ALK: variants seen among roughly 807,000 people sequenced by gnomAD.
ALK encodes ALK receptor tyrosine kinase, also known as ALK tyrosine kinase receptor.
A neutral mutation model predicts 163.1 loss-of-function variants in ALK; 74 were observed. The ratio of observed to expected loss-of-function variants is 0.45; its 90% CI spans 0.38 to 0.55. The LOEUF (loss-of-function observed/expected upper bound fraction) is 0.55. ALK is among the 20% of genes least tolerant of loss of function. The pLI, the probability that ALK is intolerant of heterozygous loss-of-function variation, is 0.00. For synonymous variants in ALK, 960 were observed against 843.2 expected (o/e 1.14, Z -2.40); for missense variants, 2,063 against 2,105.3 (o/e 0.98, Z 0.39).
At chr2:29,328,502 C>T in intron 5 of ALK, 21 bp from the exon 6 acceptor site, 1 of 1,614,124 alleles carries the variant, frequency 6.2e-7, no homozygotes, top group Non-Finnish European at 8.5e-7. Context: ...CACAGACACA[C>T]AACCATGGTA....
In ALK at chr2:29,773,717, T is replaced by C. The variant is rs185195951; in HGVS notation, c.668-56020A>G. On this transcript the variant is annotated intron_variant, in intron 1 of 28. Coordinates refer to ENST00000389048, the MANE Select transcript of ALK (RefSeq NM_004304.5). Reference sequence around the variant, plus strand: ...ATGGCATTAAGTGCTAAATGCATTTTTGGCTGAATTTTGTTTCATCAACTT... The same window carrying C: ...ATGGCATTAAGTGCTAAATGCATTTCTGGCTGAATTTTGTTTCATCAACTT... Among the ~76,000 whole-genome samples, 426 of 152,328 alleles carry C rather than the reference T, an allele frequency of 2.8e-3. 2 individuals carry two copies. The highest frequency in any genetic ancestry group is 9.6e-3 in the African/African-American group (398 of 41,574).
rs1041163475 is a variant in ALK at position 29,211,671 on chromosome 2, G to A, written c.3744-1793C>T. ...CAGATAAAGGGTGGAGGGAGAGAGA[G>A]AATTCGAGGCAACTCTGTTGTGGGT... On this transcript the variant is annotated intron_variant, in intron 24 of 28. Coordinates refer to ENST00000389048, the MANE Select transcript of ALK (RefSeq NM_004304.5). Among the ~76,000 whole-genome samples the A allele has an allele frequency of 2.6e-5, 4 of 152,170 alleles. No individual in the cohort carries two copies. The South Asian group carries it at 8.3e-4, about 32-fold the overall frequency.
At chr2:29,557,128 G>A (rs1673883672) in intron 3 of ALK, among the ~76,000 whole-genome samples, 1 of 152,024 alleles carries the variant, frequency 6.6e-6, no homozygotes, top group Non-Finnish European at 1.5e-5. Flanking sequence ...ACAGGCAGAT[G>A]TTCACTGACT....
chr2:29,430,873 T>C (rs181953347), intron 4 of ALK, among the ~76,000 whole-genome samples: 1 of 152,342 alleles, frequency 6.6e-6, no homozygotes, highest in East Asian at 1.9e-4. Flanking sequence ...GATCGGGAAC[T>C]TCAGAAGGCA....
At chr2:29,606,545 T>C (rs1454393976) in intron 3 of ALK, among the ~76,000 whole-genome samples, 1 of 152,216 alleles carries the variant, frequency 6.6e-6, no homozygotes, top group Admixed American at 6.5e-5. Flanking sequence ...TGGACAGACC[T>C]GGGTGTCTCT....
intron 5 of ALK, among the ~76,000 whole-genome samples, chr2:29,368,306 C>G (rs1045847682): frequency 6.6e-6 from 1 of 152,134 alleles, no homozygotes; most frequent in Non-Finnish European, 1.5e-5. Flanking sequence ...ATTCTACACC[C>G]CACAAAATAA....
chr2:29,568,526 G>C (rs1434925423), intron 3 of ALK, among the ~76,000 whole-genome samples: 8 of 151,984 alleles, frequency 5.3e-5, no homozygotes, highest in Non-Finnish European at 2.9e-5. Flanking sequence ...AGTGTAGGGA[G>C]GGCAGGCTTT....
chr2:29,617,922 C>T (rs921053832), intron 3 of ALK, among the ~76,000 whole-genome samples: 3 of 152,164 alleles, frequency 2.0e-5, no homozygotes, highest in Non-Finnish European at 4.4e-5. Context: ...GGCAGCACAC[C>T]CATAGTCCTG....
chr2:29,795,698 C>A (rs569913515), intron 1 of ALK, among the ~76,000 whole-genome samples: 93 of 152,142 alleles, frequency 6.1e-4, no homozygotes, highest in African/African-American at 2.2e-3. Flanking sequence ...ATGAAAATAT[C>A]ATCTTAAAAA....
intron 25 of ALK, among the ~76,000 whole-genome samples, chr2:29,208,416 C>T (rs764015836): frequency 1.3e-5 from 2 of 152,126 alleles, no homozygotes; most frequent in Non-Finnish European, 2.9e-5. Context: ...ACAGAGGGCT[C>T]GAGGAGTCAT....
intron 26 of ALK, among the ~76,000 whole-genome samples, chr2:29,205,497 G>A (rs1003255469): frequency 4.6e-5 from 7 of 152,168 alleles, no homozygotes; most frequent in African/African-American, 1.4e-4. Context: ...TCTGAAGGCC[G>A]GACATCTGAA....
At chr2:29,743,312 G>A (rs1263274078) in intron 1 of ALK, among the ~76,000 whole-genome samples, 2 of 152,128 alleles carry the variant, frequency 1.3e-5, no homozygotes, top group Non-Finnish European at 2.9e-5. Context: ...TATGATGTTC[G>A]ACTTGGAAAC....
At chr2:29,273,706 G>A (rs913230591) in intron 11 of ALK, among the ~76,000 whole-genome samples, 3 of 152,210 alleles carry the variant, frequency 2.0e-5, no homozygotes, top group Non-Finnish European at 2.9e-5. Flanking sequence ...AGGCTGGGCA[G>A]GGGGCTATGG....
At chr2:29,540,237 A>G (rs1347379535) in intron 3 of ALK, among the ~76,000 whole-genome samples, 3 of 152,164 alleles carry the variant, frequency 2.0e-5, no homozygotes, top group African/African-American at 7.2e-5. Context: ...GTGGTAAGTA[A>G]AAGATGTCAC....
chr2:29,770,751 A>T (rs1000352384), intron 1 of ALK, among the ~76,000 whole-genome samples: 33 of 152,200 alleles, frequency 2.2e-4, no homozygotes, highest in African/African-American at 8.0e-4. Context: ...AAAGAGATAG[A>T]AAATAGGACA....
At chr2:29,684,229 C>G (rs1041201925) in intron 3 of ALK, among the ~76,000 whole-genome samples, 4 of 152,070 alleles carry the variant, frequency 2.6e-5, no homozygotes, top group Non-Finnish European at 5.9e-5. Context: ...GGCTAAAAAA[C>G]TCAGATAACA....
chr2:29,722,698 G>A (rs935366515), intron 1 of ALK, among the ~76,000 whole-genome samples: 6 of 152,082 alleles, frequency 3.9e-5, no homozygotes, highest in Admixed American at 2.6e-4. Context: ...CCAAATTTGT[G>A]TCTTCAGCCC....
intron 25 of ALK, 71 bp downstream of exon 25, chr2:29,209,715 A>G (rs1033077349): frequency 8.9e-7 from 1 of 1,124,282 alleles, no homozygotes; most frequent in African/African-American, 1.5e-5. Flanking sequence ...AGGGACAAGC[A>G]GCCACACCCC....
intron 3 of ALK, among the ~76,000 whole-genome samples, chr2:29,560,572 CT>C (rs1319614098): frequency 6.6e-6 from 1 of 151,678 alleles, no homozygotes; most frequent in Non-Finnish European, 1.5e-5. Flanking sequence ...TTCCTTCCTT[CT>C]TTCTTTTTTT....
Sources: gnomAD v4.1 joint callset for allele counts (sites outside exome capture counted in the v4.1 genomes callset) on GRCh38, gnomAD v4.1.1 for gene constraint, MANE v1.5 for transcripts, NCBI Gene and HGNC (gene_info 2026-07-23, HGNC 2026-07-21) for gene names.